MAP2: variants seen among roughly 807,000 people sequenced by gnomAD.
The protein encoded by MAP2 is microtubule associated protein 2.
A neutral mutation model predicts 137.6 loss-of-function variants in MAP2; 14 were observed. That is an observed-to-expected ratio of 0.10 (90% CI 0.07 to 0.16). The LOEUF (loss-of-function observed/expected upper bound fraction) is 0.16. Ranked by LOEUF, MAP2 falls within the 10% of genes least tolerant of loss-of-function variation. The probability of loss-of-function intolerance (pLI) is 1.00; values close to 1 mark genes in which losing one functional copy is unlikely to be tolerated. For synonymous variants in MAP2, 786 were observed against 782.3 expected, an observed-to-expected ratio of 1.00 and a Z score of -0.08; for missense variants, 2,088 against 2,191.5, an observed-to-expected ratio of 0.95 and a Z score of 0.94.
rs536494192 is a variant in MAP2 at position 209,429,053 on chromosome 2, A to G, written c.-222+4777A>G. Among the ~76,000 whole-genome samples, 275 of 152,112 alleles carry G rather than the reference A, an allele frequency of 1.8e-3. 2 individuals carry two copies. The highest frequency in any genetic ancestry group is 2.3e-3 in the Admixed American group (35 of 15,282). ...ACTGCAAGCTCCGCCCCCCGGGTTC[A>G]CGCCATTCTCCTGCCTCAGCCTCCC... On this transcript the variant is annotated intron_variant, in intron 1 of 15. Coordinates refer to ENST00000682079, the MANE Select transcript of MAP2 (RefSeq NM_001375505.1).
At chr2:209,471,904 T>C (rs1705822794) in intron 1 of MAP2, among the ~76,000 whole-genome samples, 1 of 152,126 alleles carries the variant, frequency 6.6e-6, no homozygotes, top group Non-Finnish European at 1.5e-5. Context: ...TGAGATATTG[T>C]ATTTTTGCTG....
At chr2:209,494,874 GTT>G (rs970876135) in intron 1 of MAP2, among the ~76,000 whole-genome samples, 50 of 152,230 alleles carry the variant, frequency 3.3e-4, no homozygotes, top group African/African-American at 9.6e-4. Flanking sequence ...TTCCCCTATT[GTT>G]TCTGCCTGAA....
chr2:209,509,808 T>C (rs1161509782), intron 2 of MAP2, among the ~76,000 whole-genome samples: 1 of 151,852 alleles, frequency 6.6e-6, no homozygotes, highest in Non-Finnish European at 1.5e-5. Flanking sequence ...GTATATAAAA[T>C]AGGACATCAG....
At chr2:209,449,589 AAG>A (rs1699877515) in intron 1 of MAP2, among the ~76,000 whole-genome samples, 1 of 152,164 alleles carries the variant, frequency 6.6e-6, no homozygotes, top group Admixed American at 6.5e-5. Flanking sequence ...TGAAATTAAA[AAG>A]AGCAAATTAA....
At chr2:209,692,188 C>A (rs942517803) in intron 7 of MAP2, among the ~76,000 whole-genome samples, 4 of 152,022 alleles carry the variant, frequency 2.6e-5, no homozygotes, top group Admixed American at 6.6e-5. Context: ...TAAATCAATT[C>A]TTTATCTATA....
intron 7 of MAP2, among the ~76,000 whole-genome samples, chr2:209,684,190 G>C (rs1231330696): frequency 6.6e-6 from 1 of 152,174 alleles, no homozygotes; most frequent in Admixed American, 6.5e-5. Flanking sequence ...AATTTGGAAG[G>C]CTGTGAAGGA....
At chr2:209,459,352 G>C (rs1458381198) in intron 1 of MAP2, among the ~76,000 whole-genome samples, 1 of 152,186 alleles carries the variant, frequency 6.6e-6, no homozygotes, top group Non-Finnish European at 1.5e-5. Context: ...TTAAGTGCTT[G>C]TCCAATGCTA....
At chr2:209,572,964 C>T (rs558030661) in intron 2 of MAP2, among the ~76,000 whole-genome samples, 74 of 152,208 alleles carry the variant, frequency 4.9e-4, no homozygotes, top group African/African-American at 1.8e-3. Context: ...ATTTATAATA[C>T]CATGTTAATC....
intron 7 of MAP2, chr2:209,684,768 A>C (rs1243192375): frequency 6.6e-6 from 1 of 152,188 alleles, no homozygotes; most frequent in Non-Finnish European, 1.5e-5. Flanking sequence ...ATGAAATAGA[A>C]TATTCTGTGG....
chr2:209,466,265 C>A (rs1704100894), intron 1 of MAP2, among the ~76,000 whole-genome samples: 2 of 152,104 alleles, frequency 1.3e-5, no homozygotes, highest in Admixed American at 6.6e-5. Context: ...GATTAAAAGA[C>A]CCCCTACAAA....
rs771603668 is a variant in MAP2, at chr2:209,696,660, C to T, written c.4299C>T (p.Thr1433=). 9.3e-6 allele frequency: 15 copies of T among 1,613,620 alleles called. No individual in the cohort carries two copies. Among genetic ancestry groups the T allele is most frequent in the East Asian group, 4.5e-5 (2 of 44,846 alleles). The change falls in exon 9 of 16, where the codon ACC becomes ACT. Residue 1433 remains threonine, a synonymous_variant. Transcript: ENST00000682079. The part of the protein sequence containing the change: ...EKHRKEKPFK[T]GRGRISTPER... ...ATAGAAAAGAAAAGCCTTTTAAAACCGGGAGAGGCAGAATTTCCACTCCTG... is the reference window on the plus strand; with the variant it reads ...ATAGAAAAGAAAAGCCTTTTAAAACTGGGAGAGGCAGAATTTCCACTCCTG...
rs1249566253 is a variant in MAP2, at chr2:209,696,652, T to G, written c.4291T>G (p.Phe1431Val). ...TGAGAAACATAGAAAAGAAAAGCCTTTTAAAACCGGGAGAGGCAGAATTTC... is the reference window on the plus strand; with the variant it reads ...TGAGAAACATAGAAAAGAAAAGCCTGTTAAAACCGGGAGAGGCAGAATTTC... ...SLEKHRKEKPFKTGRGRISTP... is the reference protein window; with the variant it reads ...SLEKHRKEKPVKTGRGRISTP... The change falls in exon 9 of 16, where the codon TTT becomes GTT. Residue 1431 changes from phenylalanine (F) to valine (V), a missense_variant. Phe to Val is a conservative substitution (Grantham distance 50). Around this residue, in one of 6 missense-constraint regions of MAP2, gnomAD observed 591 missense variants for 642.6 expected, o/e 0.92. Transcript: ENST00000682079. The G allele has an allele frequency of 6.2e-7, 1 of 1,613,878 alleles. No individual in the cohort carries two copies. The highest frequency in any genetic ancestry group is 2.2e-5 in the East Asian group (1 of 44,834).
At chr2:209,619,508 A>G (rs530586271) in intron 3 of MAP2, among the ~76,000 whole-genome samples, 17 of 152,278 alleles carry the variant, frequency 1.1e-4, no homozygotes, top group African/African-American at 3.9e-4. Context: ...TTCTTCAGCT[A>G]TATTCTGATG....
At position 209,694,059 on chromosome 2, in the gene MAP2, C is replaced by T; in HGVS notation, c.1889C>T (p.Pro630Leu). 6.2e-7 allele frequency: 1 copy of T among 1,613,304 alleles called. No homozygotes were observed. Among genetic ancestry groups the T allele is most frequent in the South Asian group, 1.1e-5 (1 of 90,894 alleles). The change falls in exon 8 of 16, where the codon CCT (proline) becomes CTT (leucine). Residue 630 changes from proline (P) to leucine (L), a missense_variant. This residue lies in a region of MAP2 where 859 missense variants were observed against 794.5 expected (regional missense o/e 1.08). Transcript: ENST00000682079. ...ACAGGAAAAGAATCCCAGCCCAGTC[C>T]TCCAGCACAAGAAGCAGGGTACAGC... ...FQTGKESQPS[P>L]PAQEAGYSTL...
At chr2:209,558,607 T>C (rs2071240445) in intron 2 of MAP2, among the ~76,000 whole-genome samples, 1 of 151,182 alleles carries the variant, frequency 6.6e-6, no homozygotes, top group Non-Finnish European at 1.5e-5. Context: ...AGCCAAGAAA[T>C]TTAACACTCA....
intron 5 of MAP2, among the ~76,000 whole-genome samples, chr2:209,666,779 T>A (rs1256416834): frequency 6.6e-6 from 1 of 152,030 alleles, no homozygotes; most frequent in Admixed American, 6.6e-5. Context: ...CATCTTATGA[T>A]GGAATTACTA....
intron 1 of MAP2, among the ~76,000 whole-genome samples, chr2:209,492,839 A>G (rs1245347527): frequency 1.3e-5 from 2 of 152,200 alleles, no homozygotes; most frequent in African/African-American, 4.8e-5. Context: ...GGAAGAAACA[A>G]TATCATGAAA....
chr2:209,693,338 T>G lies in MAP2; in HGVS notation c.1168T>G (p.Leu390Val), dbSNP rs2153717510. The change falls in exon 8 of 16, where the codon TTA becomes GTA. Residue 390 changes from leucine to valine, a missense_variant. Coordinates refer to ENST00000682079, the MANE Select transcript of MAP2 (RefSeq NM_001375505.1). ...AEAPPSEAMTLPKDAHIPVVE... is the reference protein window; with the variant it reads ...AEAPPSEAMTVPKDAHIPVVE... ...AGCACCACCCTCAGAGGCAATGACC[T>G]TACCCAAAGATGCTCACATTCCAGT... The G allele has an allele frequency of 6.2e-7, 1 of 1,613,146 alleles. No homozygotes were observed. Among genetic ancestry groups the G allele is most frequent in the East Asian group, 2.2e-5 (1 of 44,866 alleles).
intron 13 of MAP2, chr2:209,722,100 G>A (rs1044539694): frequency 8.5e-5 from 13 of 152,120 alleles, no homozygotes; most frequent in African/African-American, 1.7e-4. Flanking sequence ...AACTATCTCC[G>A]TCTTATGTGA....
Sources: allele counts gnomAD v4.1 joint callset (sites outside exome capture counted in the v4.1 genomes callset), GRCh38; gene constraint gnomAD v4.1.1; regional missense constraint gnomAD v4.1.1; transcripts MANE v1.5; gene names NCBI Gene and HGNC (gene_info 2026-07-23, HGNC 2026-07-21).